Variants in ZNF469 observed in about 807,000 individuals in gnomAD.
The protein encoded by ZNF469 is zinc finger protein 469.
ZNF469 carries 1 observed loss-of-function variant against 1.0 expected under a neutral mutation model. The ratio of observed to expected loss-of-function variants is 1.00; its 90% CI spans 0.35 to 4.73. The LOEUF (loss-of-function observed/expected upper bound fraction) is 4.73. Ranked by LOEUF, ZNF469 falls within the 30% of genes most tolerant of loss-of-function variation. The probability of loss-of-function intolerance (pLI) is 0.16; values close to 1 mark genes in which losing one functional copy is unlikely to be tolerated. For missense variants in ZNF469, 6,100 were observed against 5,356.3 expected (o/e 1.14, Z -4.33); for synonymous variants, 2,703 against 2,363.4 (o/e 1.14, Z -4.17).
At chr16:88,122,496 C>T in the ZNF469 span, among the ~76,000 whole-genome samples, 2 of 151,658 alleles carry the variant, frequency 1.3e-5, no homozygotes, top group African/African-American at 4.8e-5. Flanking sequence ...TCGCTATGGC[C>T]ACGGCGGCCA....
intron 1 of ZNF469, among the ~76,000 whole-genome samples, chr16:88,384,087 C>A (rs1269080869): frequency 2.0e-5 from 3 of 152,256 alleles, no homozygotes; most frequent in Non-Finnish European, 2.9e-5. Context: ...AGGCGGTTAA[C>A]TGCTTCATCC....
chr16:88,235,276 T>C, the ZNF469 span, among the ~76,000 whole-genome samples: 1 of 152,196 alleles, frequency 6.6e-6, no homozygotes, highest in Non-Finnish European at 1.5e-5. Flanking sequence ...GCTCCGGGCT[T>C]CCGCACACAT....
At chr16:88,411,036 G>T (rs1248793544) in intron 1 of ZNF469, among the ~76,000 whole-genome samples, 2 of 152,184 alleles carry the variant, frequency 1.3e-5, no homozygotes, top group Non-Finnish European at 2.9e-5. Flanking sequence ...CTCTCCGAAG[G>T]ACACCTGTCT....
chr16:88,267,397 C>A, the ZNF469 span, among the ~76,000 whole-genome samples: 5 of 152,152 alleles, frequency 3.3e-5, no homozygotes, highest in Admixed American at 2.6e-4. Flanking sequence ...CCCGGGAGCC[C>A]GACGCACACC....
the ZNF469 span, among the ~76,000 whole-genome samples, chr16:88,303,909 C>G: frequency 6.6e-6 from 1 of 152,224 alleles, no homozygotes; most frequent in Non-Finnish European, 1.5e-5. Context: ...GTGCCACTCA[C>G]TCAGTGTCAT....
chr16:88,118,668 T>A, the ZNF469 span, among the ~76,000 whole-genome samples: 26 of 152,260 alleles, frequency 1.7e-4, no homozygotes, highest in African/African-American at 6.3e-4. Context: ...CTCTACGGCT[T>A]CCTTAGCAGA....
chr16:88,222,425 A>G, the ZNF469 span, among the ~76,000 whole-genome samples: 3 of 152,178 alleles, frequency 2.0e-5, no homozygotes, highest in African/African-American at 7.2e-5. Context: ...AGTAGCTGGG[A>G]CTACAAGTGC....
At chr16:88,140,580 ATATAC>A in the ZNF469 span, among the ~76,000 whole-genome samples, 1 of 152,234 alleles carries the variant, frequency 6.6e-6, no homozygotes, top group Non-Finnish European at 1.5e-5. Context: ...AGTTACCAAA[ATATAC>A]TCTAAAACTG....
chr16:88,293,506 A>G, the ZNF469 span, among the ~76,000 whole-genome samples: 1 of 152,112 alleles, frequency 6.6e-6, no homozygotes, highest in Non-Finnish European at 1.5e-5. Context: ...ATGGATGGGT[A>G]GGTAGATAGA....
chr16:88,335,289 C>T, the ZNF469 span, among the ~76,000 whole-genome samples: 1 of 152,214 alleles, frequency 6.6e-6, no homozygotes, highest in Non-Finnish European at 1.5e-5. Context: ...AGCTTAACTC[C>T]CTGGTTAGTA....
chr16:88,343,444 C>T, the ZNF469 span, among the ~76,000 whole-genome samples: 1 of 152,220 alleles, frequency 6.6e-6, no homozygotes, highest in East Asian at 1.9e-4. Flanking sequence ...ATGCAGCCTG[C>T]CCATCGTGAC....
chr16:88,407,980 T>A (rs1236768168), intron 1 of ZNF469, among the ~76,000 whole-genome samples: 1 of 152,240 alleles, frequency 6.6e-6, no homozygotes, highest in East Asian at 1.9e-4. Flanking sequence ...CTCACTCCCC[T>A]TGCCCAGGTC....
the ZNF469 span, among the ~76,000 whole-genome samples, chr16:88,257,308 T>G: frequency 2.7e-5 from 4 of 150,208 alleles, no homozygotes; most frequent in South Asian, 8.5e-4. Context: ...TGTATCTTCT[T>G]TGGTGAGGCG....
the ZNF469 span, among the ~76,000 whole-genome samples, chr16:88,213,457 TA>T: frequency 6.6e-6 from 1 of 152,188 alleles, no homozygotes; most frequent in African/African-American, 2.4e-5. Flanking sequence ...TATTTGCACT[TA>T]ATGGACAGGG....
At chr16:88,381,895 A>G (rs1036740684), upstream of ZNF469, among the ~76,000 whole-genome samples, 4 of 152,252 alleles carry the variant, frequency 2.6e-5, no homozygotes, top group Non-Finnish European at 5.9e-5. Flanking sequence ...CATTGGCTCC[A>G]CCAGAAGGCC....
At chr16:88,400,899 G>A (rs886839802) in intron 1 of ZNF469, among the ~76,000 whole-genome samples, 6 of 152,072 alleles carry the variant, frequency 3.9e-5, no homozygotes, top group East Asian at 3.9e-4. Flanking sequence ...GCCAGGGGGT[G>A]GCGGGGGCAG....
the ZNF469 span, among the ~76,000 whole-genome samples, chr16:88,240,139 A>G: frequency 6.6e-6 from 1 of 151,558 alleles, no homozygotes; most frequent in Non-Finnish European, 1.5e-5. Context: ...TAAGGGGGTG[A>G]TTCTCAAAGC....
chr16:88,257,722 C>T, the ZNF469 span, among the ~76,000 whole-genome samples: 4 of 152,130 alleles, frequency 2.6e-5, no homozygotes, highest in Non-Finnish European at 5.9e-5. Context: ...TTTGCAAGTG[C>T]TCTTTTTATG....
chr16:88,239,691 A>G, the ZNF469 span, among the ~76,000 whole-genome samples: 14 of 6,302 alleles, frequency 2.2e-3, no homozygotes, highest in African/African-American at 3.3e-3. Context: ...ATATATATAT[A>G]TATATATATA....
Sources: gnomAD v4.1 joint callset for allele counts (sites outside exome capture counted in the v4.1 genomes callset) on GRCh38, gnomAD v4.1.1 for gene constraint, MANE v1.5 for transcripts, NCBI Gene and HGNC (gene_info 2026-07-23, HGNC 2026-07-21) for gene names.